Variants in ADCY2 observed in about 807,000 individuals in gnomAD.
ADCY2 encodes the protein adenylate cyclase type 2.
Under a neutral mutation model 125.2 loss-of-function variants are expected in ADCY2, and 31 were observed. The observed-to-expected ratio is 0.25, with a 90% confidence interval of 0.19 to 0.33. The LOEUF is 0.33. Ranked by LOEUF, ADCY2 falls within the 10% of genes least tolerant of loss-of-function variation. The pLI, the probability that ADCY2 is intolerant of heterozygous loss-of-function variation, is 1.00. For missense variants in ADCY2, 904 were observed against 1,418.2 expected, an observed-to-expected ratio of 0.64 and a Z score of 5.82; for synonymous variants, 512 against 548.4, an observed-to-expected ratio of 0.93 and a Z score of 0.93.
chr5:7,424,313 C>T (rs1426834911), intron 2 of ADCY2, among the ~76,000 whole-genome samples: 4 of 152,224 alleles, frequency 2.6e-5, no homozygotes, highest in Admixed American at 2.6e-4. Flanking sequence ...TCTGTATAAC[C>T]CTGTGAGGTA....
At chr5:7,535,119 C>A (rs1331074961) in intron 3 of ADCY2, among the ~76,000 whole-genome samples, 1 of 152,216 alleles carries the variant, frequency 6.6e-6, no homozygotes, top group African/African-American at 2.4e-5. Context: ...CGGCTCACCG[C>A]AACCTCCGCC....
At chr5:7,590,445 T>C (rs993199368) in intron 3 of ADCY2, among the ~76,000 whole-genome samples, 13 of 152,210 alleles carry the variant, frequency 8.5e-5, no homozygotes, top group African/African-American at 3.1e-4. Flanking sequence ...AAAAATAGTT[T>C]TATAATCATG....
At chr5:7,720,587 C>A (rs573377407) in intron 12 of ADCY2, among the ~76,000 whole-genome samples, 1 of 151,872 alleles carries the variant, frequency 6.6e-6, no homozygotes, top group Non-Finnish European at 1.5e-5. Flanking sequence ...TGATGTTCCC[C>A]GCCCTGTGTC....
chr5:7,816,758 G>A, intron 22 of ADCY2, 108 bp from the exon 23 acceptor site: 1 of 798,478 alleles, frequency 1.3e-6, no homozygotes, highest in Non-Finnish European at 2.2e-6. Flanking sequence ...TGTAGCATTA[G>A]AATTTGCCTG....
chr5:7,494,988 C>T (rs1743296843), intron 2 of ADCY2, among the ~76,000 whole-genome samples: 1 of 152,170 alleles, frequency 6.6e-6, no homozygotes, highest in Non-Finnish European at 1.5e-5. Flanking sequence ...CTTGGCCACA[C>T]CCTGTCTGGG....
At chr5:7,486,904 G>T (rs996518855) in intron 2 of ADCY2, among the ~76,000 whole-genome samples, 2 of 152,140 alleles carry the variant, frequency 1.3e-5, no homozygotes, top group Non-Finnish European at 2.9e-5. Flanking sequence ...TGGAGGTCAG[G>T]GTTCCTTGAT....
At chr5:7,550,875 C>T (rs989997040) in intron 3 of ADCY2, among the ~76,000 whole-genome samples, 2 of 152,184 alleles carry the variant, frequency 1.3e-5, no homozygotes, top group Non-Finnish European at 2.9e-5. Flanking sequence ...ATAGTGGACA[C>T]TCCATGGCAT....
intron 3 of ADCY2, among the ~76,000 whole-genome samples, chr5:7,552,581 G>A (rs758240736): frequency 6.6e-6 from 1 of 152,142 alleles, no homozygotes; most frequent in Non-Finnish European, 1.5e-5. Flanking sequence ...TATTGAACAC[G>A]ATACTTGTTA....
Position 7,766,700 on chromosome 5 carries a change from A to C in ADCY2, c.2108A>C (p.Asp703Ala). 1.9e-6 allele frequency: 3 copies of C among 1,611,324 alleles called. No homozygotes were observed. Among genetic ancestry groups the C allele is most frequent in the Non-Finnish European group, 8.5e-7 (1 of 1,179,256 alleles). Residue 703 changes from aspartate (D) to alanine (A), a missense_variant, in exon 17 of 25, where the codon GAC (aspartate) becomes GCC (alanine). Asp to Ala is a moderately radical substitution (Grantham distance 126). This residue lies in a region of ADCY2 where 221 missense variants were observed against 246.2 expected (regional missense o/e 0.90). Transcript: ENST00000338316. ...MAVFNMFFLS[D>A]SEETIPPTAN... ...TTCTCTTTGCAGTTTTTCCTGAGTG[A>C]CTCAGAGGAAACAATCCCTCCAACT...
intron 2 of ADCY2, among the ~76,000 whole-genome samples, chr5:7,498,872 A>G (rs1257321353): frequency 6.6e-6 from 1 of 152,224 alleles, no homozygotes; most frequent in African/African-American, 2.4e-5. Flanking sequence ...GATTACATTC[A>G]GAGACATGGC....
intron 24 of ADCY2, among the ~76,000 whole-genome samples, chr5:7,821,760 G>C (rs1745309703): frequency 6.6e-6 from 1 of 152,234 alleles, no homozygotes; most frequent in Non-Finnish European, 1.5e-5. Flanking sequence ...GAGTAAGAAA[G>C]GTGTGGAACT....
chr5:7,673,164 AG>A (rs1739989668), intron 4 of ADCY2, among the ~76,000 whole-genome samples: 1 of 140,452 alleles, frequency 7.1e-6, no homozygotes. Context: ...GCACTTTGGG[AG>A]GCCAAGGCAG....
At chr5:7,432,593 A>G (rs1484423371) in intron 2 of ADCY2, among the ~76,000 whole-genome samples, 1 of 152,198 alleles carries the variant, frequency 6.6e-6, no homozygotes, top group Non-Finnish European at 1.5e-5. Flanking sequence ...CTGGCACGGA[A>G]GTAGCTGGCA....
intron 18 of ADCY2, among the ~76,000 whole-genome samples, chr5:7,777,995 A>G (rs936808303): frequency 2.6e-5 from 4 of 152,146 alleles, no homozygotes; most frequent in Admixed American, 2.6e-4. Context: ...GCAGTTTCTC[A>G]GATGTTTCCT....
chr5:7,643,499 A>T (rs575430288), intron 4 of ADCY2, among the ~76,000 whole-genome samples: 66 of 152,056 alleles, frequency 4.3e-4, no homozygotes, highest in Non-Finnish European at 2.6e-4. Context: ...ACATTATTCT[A>T]TGGAGCAGAT....
chr5:7,728,667 A>G (rs967894890), intron 14 of ADCY2, among the ~76,000 whole-genome samples: 1 of 152,222 alleles, frequency 6.6e-6, no homozygotes, highest in Non-Finnish European at 1.5e-5. Context: ...TTTGAAAGCT[A>G]CATACGTGAA....
chr5:7,755,291 G>A (rs1742956773), intron 15 of ADCY2, among the ~76,000 whole-genome samples: 1 of 152,168 alleles, frequency 6.6e-6, no homozygotes, highest in Non-Finnish European at 1.5e-5. Context: ...AGACGAGGGC[G>A]CAGGAAAATC....
chr5:7,468,766 T>C (rs1297417072), intron 2 of ADCY2, among the ~76,000 whole-genome samples: 2 of 152,176 alleles, frequency 1.3e-5, no homozygotes, highest in East Asian at 3.8e-4. Context: ...AAAATTCTAT[T>C]ACTTTGTGAC....
chr5:7,561,068 C>T (rs1334271819), intron 3 of ADCY2, among the ~76,000 whole-genome samples: 1 of 152,188 alleles, frequency 6.6e-6, no homozygotes, highest in African/African-American at 2.4e-5. Context: ...TTTAACCGTT[C>T]ATAAGGAAAG....
Sources: allele counts gnomAD v4.1 joint callset (sites outside exome capture counted in the v4.1 genomes callset), GRCh38; gene constraint gnomAD v4.1.1; regional missense constraint gnomAD v4.1.1; transcripts MANE v1.5; gene names NCBI Gene and HGNC (gene_info 2026-07-23, HGNC 2026-07-21).